Variants in LHFPL6 observed in about 807,000 individuals in gnomAD.
LHFPL6 encodes the protein LHFPL tetraspan subfamily member 6.
A neutral mutation model predicts 20.6 loss-of-function variants in LHFPL6; 9 were observed. The observed-to-expected ratio is 0.44, with a 90% CI of 0.26 to 0.76. The LOEUF (loss-of-function observed/expected upper bound fraction) is 0.76, where lower values mean the gene tolerates loss of function less well. Ranked by LOEUF, LHFPL6 falls within the 30% of genes least tolerant of loss-of-function variation. The pLI is 0.20. For missense variants in LHFPL6, 218 were observed against 253.5 expected (o/e 0.86, Z 0.95); for synonymous variants, 105 against 98.7 (o/e 1.06, Z -0.38).
At chr13:39,365,868 C>T (rs940049307) in intron 3 of LHFPL6, among the ~76,000 whole-genome samples, 25 of 152,250 alleles carry the variant, frequency 1.6e-4, no homozygotes, top group African/African-American at 5.5e-4. Flanking sequence ...ATGATCAAGC[C>T]GTGGATACCA....
At chr13:39,500,270 T>A (rs890717428) in intron 2 of LHFPL6, among the ~76,000 whole-genome samples, 2 of 152,220 alleles carry the variant, frequency 1.3e-5, no homozygotes, top group Non-Finnish European at 2.9e-5. Context: ...GGTGGTGCAA[T>A]CACAGCTCAC....
chr13:39,585,103 A>G (rs570611437), intron 2 of LHFPL6, among the ~76,000 whole-genome samples: 29 of 152,322 alleles, frequency 1.9e-4, no homozygotes, highest in African/African-American at 6.7e-4. Flanking sequence ...AAGGTGCATT[A>G]GTAGATTACT....
At chr13:39,596,326 A>G (rs1872769346) in intron 2 of LHFPL6, among the ~76,000 whole-genome samples, 1 of 152,148 alleles carries the variant, frequency 6.6e-6, no homozygotes, top group Non-Finnish European at 1.5e-5. Flanking sequence ...CTCAGTTCTG[A>G]AAGTAAGCCA....
intron 2 of LHFPL6, among the ~76,000 whole-genome samples, chr13:39,415,857 A>G (rs946834887): frequency 6.6e-6 from 1 of 152,208 alleles, no homozygotes; most frequent in Non-Finnish European, 1.5e-5. Context: ...TGCCTCCTTG[A>G]ACTTTGTTCA....
intron 2 of LHFPL6, among the ~76,000 whole-genome samples, chr13:39,434,530 C>T (rs1179848957): frequency 2.6e-5 from 4 of 152,012 alleles, no homozygotes; most frequent in Non-Finnish European, 5.9e-5. Flanking sequence ...CATTTTGGTG[C>T]CAAGTTAAAT....
At chr13:39,374,073 C>A (rs1396853501) in intron 3 of LHFPL6, among the ~76,000 whole-genome samples, 1 of 151,964 alleles carries the variant, frequency 6.6e-6, no homozygotes, top group African/African-American at 2.4e-5. Context: ...ATTCATGTAC[C>A]CCACATGTTC....
intron 2 of LHFPL6, among the ~76,000 whole-genome samples, chr13:39,385,585 T>G (rs970984072): frequency 2.0e-5 from 3 of 152,238 alleles, no homozygotes; most frequent in African/African-American, 7.2e-5. Context: ...GCTAGAAATA[T>G]CAGCATGATA....
In LHFPL6 at chr13:39,559,139, G is replaced by C. The variant is rs892619249; in HGVS notation, c.385+41693C>G. On this transcript the variant is annotated intron_variant, in intron 2 of 3. Coordinates refer to ENST00000379589, the MANE Select transcript of LHFPL6 (RefSeq NM_005780.3). ...ACAGCTGGCGGAAGTCTCACTGACC[G>C]CCAAGAGTCAGGGAAGATACCAGTT... Among the ~76,000 whole-genome samples, 6 of 152,292 alleles carry C rather than the reference G, an allele frequency of 3.9e-5. No homozygotes were observed. The South Asian group carries it at 1.2e-3, about 32-fold the overall frequency.
At chr13:39,387,499 T>A (rs546111470) in intron 2 of LHFPL6, among the ~76,000 whole-genome samples, 1 of 127,202 alleles carries the variant, frequency 7.9e-6, no homozygotes, top group East Asian at 2.3e-4. Flanking sequence ...TGAGCTGAGA[T>A]CACACCACTG....
At chr13:39,356,047 C>T (rs1305981130) in intron 3 of LHFPL6, among the ~76,000 whole-genome samples, 1 of 152,190 alleles carries the variant, frequency 6.6e-6, no homozygotes, top group Admixed American at 6.5e-5. Context: ...TAACAGACAC[C>T]TGCAGAATAT....
At chr13:39,359,285 A>G (rs1472727794) in intron 3 of LHFPL6, among the ~76,000 whole-genome samples, 1 of 152,192 alleles carries the variant, frequency 6.6e-6, no homozygotes, top group African/African-American at 2.4e-5. Context: ...TTTCTCAAAG[A>G]ACTAAGAGTT....
At chr13:39,565,174 G>C (rs1871670334) in intron 2 of LHFPL6, among the ~76,000 whole-genome samples, 1 of 147,804 alleles carries the variant, frequency 6.8e-6, no homozygotes, top group Non-Finnish European at 1.5e-5. Flanking sequence ...TTATATCCAG[G>C]AGGACAATAA....
At chr13:39,369,781 G>C (rs1009371775) in intron 3 of LHFPL6, among the ~76,000 whole-genome samples, 5 of 152,000 alleles carry the variant, frequency 3.3e-5, no homozygotes, top group African/African-American at 1.2e-4. Context: ...ATTTGCTTGA[G>C]GAAGTAAGTG....
At chr13:39,529,872 C>T (rs559383739) in intron 2 of LHFPL6, among the ~76,000 whole-genome samples, 5 of 151,802 alleles carry the variant, frequency 3.3e-5, no homozygotes, top group East Asian at 1.9e-4. Context: ...CAACACAATG[C>T]GAAAGAAAAA....
At chr13:39,445,300 C>G (rs112187016) in intron 2 of LHFPL6, among the ~76,000 whole-genome samples, 165 of 152,318 alleles carry the variant, frequency 1.1e-3, no homozygotes, top group African/African-American at 3.9e-3. Context: ...TGCCATATGA[C>G]ATCACATCAC....
At chr13:39,427,124 T>C (rs188574610) in intron 2 of LHFPL6, among the ~76,000 whole-genome samples, 1 of 152,284 alleles carries the variant, frequency 6.6e-6, no homozygotes, top group East Asian at 1.9e-4. Flanking sequence ...ATACTTTTTA[T>C]TTGAAGTGAT....
intron 3 of LHFPL6, among the ~76,000 whole-genome samples, chr13:39,378,201 C>T (rs191993079): frequency 6.6e-6 from 1 of 152,202 alleles, no homozygotes; most frequent in East Asian, 1.9e-4. Flanking sequence ...GGGCAGGGGC[C>T]ATTTCTTATC....
At chr13:39,408,607 G>A (rs1210018964) in intron 2 of LHFPL6, among the ~76,000 whole-genome samples, 1 of 152,136 alleles carries the variant, frequency 6.6e-6, no homozygotes, top group African/African-American at 2.4e-5. Flanking sequence ...CCTATATTTT[G>A]TACCAAACAA....
chr13:39,353,455 G>T (rs965315317), intron 3 of LHFPL6, among the ~76,000 whole-genome samples: 1 of 151,920 alleles, frequency 6.6e-6, no homozygotes, highest in Admixed American at 6.5e-5. Flanking sequence ...GGCCGGGCGC[G>T]GTGGCTCATG....
Sources: gnomAD v4.1 joint callset for allele counts (sites outside exome capture counted in the v4.1 genomes callset) on GRCh38, gnomAD v4.1.1 for gene constraint, MANE v1.5 for transcripts, NCBI Gene and HGNC (gene_info 2026-07-23, HGNC 2026-07-21) for gene names.